ME2: variants seen among roughly 807,000 people sequenced by gnomAD.
ME2 encodes NAD-dependent malic enzyme, mitochondrial.
A neutral mutation model predicts 73.7 loss-of-function variants in ME2; 60 were observed. That is an observed-to-expected ratio of 0.81 (90% CI 0.66 to 1.01). ME2 has a LOEUF of 1.01. ME2 is among the 50% of genes least tolerant of loss of function. The probability of loss-of-function intolerance (pLI) is 0.00; values close to 1 mark genes in which losing one functional copy is unlikely to be tolerated. For synonymous variants in ME2, 199 were observed against 236.9 expected (o/e 0.84, Z 1.47); for missense variants, 594 against 705.5 (o/e 0.84, Z 1.79).
intron 15 of ME2, among the ~76,000 whole-genome samples, chr18:50,944,112 G>T (rs778039751): frequency 6.6e-6 from 1 of 152,164 alleles, no homozygotes; most frequent in Admixed American, 6.5e-5. Flanking sequence ...TACTCAGGAG[G>T]CTGGGGTGGG....
chr18:50,913,018 C>T, intron 4 of ME2, 68 bp downstream of exon 4: 1 of 1,312,162 alleles, frequency 7.6e-7, no homozygotes, highest in Non-Finnish European at 1.0e-6. Context: ...CCATAACACC[C>T]ATTACATTTC....
chr18:50,919,040 C>T (rs367735749), intron 7 of ME2, among the ~76,000 whole-genome samples: 6 of 135,130 alleles, frequency 4.4e-5, no homozygotes, highest in East Asian at 2.2e-4. Flanking sequence ...TTATCTTTGA[C>T]TCTTCTGCCT....
At chr18:50,911,666 A>C (rs1917160185) in intron 3 of ME2, among the ~76,000 whole-genome samples, 1 of 152,150 alleles carries the variant, frequency 6.6e-6, no homozygotes, top group Non-Finnish European at 1.5e-5. Flanking sequence ...ACCTGGAGAG[A>C]GTGCAGGCAA....
intron 1 of ME2, among the ~76,000 whole-genome samples, chr18:50,888,885 A>G (rs628918): frequency 2.0e-5 from 3 of 151,786 alleles, no homozygotes; most frequent in African/African-American, 7.3e-5. Context: ...AATTTTTTTT[A>G]AACTGATGCA....
intron 15 of ME2, chr18:50,942,750 T>C (rs1278588959): frequency 3.4e-6 from 1 of 297,022 alleles, no homozygotes; most frequent in Non-Finnish European, 6.2e-6. Context: ...GGAATAATAC[T>C]AATTTGAAAA....
intron 2 of ME2, among the ~76,000 whole-genome samples, chr18:50,896,897 G>A (rs1206023882): frequency 6.6e-6 from 1 of 152,198 alleles, no homozygotes; most frequent in East Asian, 1.9e-4. Flanking sequence ...TCAGCAAGCA[G>A]TTAGTGTGTT....
chr18:50,923,039 A>G (rs1447380797), intron 10 of ME2, among the ~76,000 whole-genome samples: 3 of 152,174 alleles, frequency 2.0e-5, no homozygotes, highest in East Asian at 1.9e-4. Flanking sequence ...TCATTGTTCT[A>G]GTCTGTCAGT....
intron 14 of ME2, 30 bp downstream of exon 14, chr18:50,939,670 AAAGG>A: frequency 2.0e-6 from 3 of 1,464,590 alleles, no homozygotes; most frequent in Non-Finnish European, 2.9e-6. Flanking sequence ...TTTATTTTAT[AAAGG>A]ATGAATTATA....
chr18:50,947,989 A>AT lies in ME2; in HGVS notation c.*806dup, dbSNP rs1918128405. On this transcript the variant is annotated 3_prime_UTR_variant, in exon 16 of 16. Coordinates refer to ENST00000321341, the MANE Select transcript of ME2 (RefSeq NM_002396.5). Reference sequence around the variant, plus strand: ...CTTCTAGATGATTCTAGGAGGGAGTATAAGATACCTAATCATATGGGAACA... The same window carrying AT: ...CTTCTAGATGATTCTAGGAGGGAGTATTAAGATACCTAATCATATGGGAACA... The AT allele has an allele frequency of 6.6e-6, 1 of 152,240 alleles. No homozygotes were observed. The highest frequency in any genetic ancestry group is 1.5e-5 in the Non-Finnish European group (1 of 68,042). 9.4% of individuals were successfully genotyped at this position (152,240 alleles called of 1,614,324 possible).
rs1916248258 is a variant in ME2 at position 50,879,198 on chromosome 18, G to A, written c.-123G>A. 1 of 152,402 alleles carries A rather than the reference G, an allele frequency of 6.6e-6. No homozygotes were observed. The highest frequency in any genetic ancestry group is 1.5e-5 in the Non-Finnish European group (1 of 68,224). The allele number at this position is 152,402 out of a possible 1,614,324, so 9.4% of individuals were successfully genotyped here. A position where few individuals can be genotyped will look rare whatever the true frequency, so the allele number is the denominator to read the frequency against. On this transcript the variant is annotated 5_prime_UTR_variant, in exon 1 of 16. Coordinates refer to ENST00000321341, the MANE Select transcript of ME2 (RefSeq NM_002396.5). ...GCCTGAGCTGACGGCGGCTCCGGGA[G>A]GCTCGCAGAAGGGGAGGGCCGGGCG... is the stretch of plus-strand genomic sequence containing the variant.
Position 50,947,344 on chromosome 18 carries a change from G to C in ME2, c.*160G>C. ...ATGCGTCTCCACATCTGTTGGGGTA[G>C]ACGTGTTGATTGATTGCATTGCCCA... is the stretch of plus-strand genomic sequence containing the variant. On this transcript the variant is annotated 3_prime_UTR_variant, in exon 16 of 16. Transcript: ENST00000321341. The C allele has an allele frequency of 4.6e-6, 3 of 654,842 alleles. No individual in the cohort carries two copies. Among genetic ancestry groups the C allele is most frequent in the Non-Finnish European group, 5.2e-6 (2 of 387,024 alleles). The allele number at this position is 654,842 out of a possible 1,614,324, so 40.6% of individuals were successfully genotyped here.
intron 13 of ME2, chr18:50,933,041 G>A (rs1308465273): frequency 6.6e-6 from 1 of 152,178 alleles, no homozygotes; most frequent in African/African-American, 2.4e-5. Context: ...CATTACCTCA[G>A]TTCAACAACT....
intron 4 of ME2, 32 bp from the exon 5 acceptor site, chr18:50,916,136 T>C (rs1183397550): frequency 6.9e-7 from 1 of 1,455,336 alleles, no homozygotes; most frequent in Non-Finnish European, 9.5e-7. Flanking sequence ...AAAGCTGTTG[T>C]GAAATGCAAA....
rs1323094349 is a variant in ME2, at chr18:50,924,007, A to G, written c.1057-91A>G. 6.7e-6 allele frequency: 5 copies of G among 750,310 alleles called. No individual in the cohort carries two copies. The East Asian group carries it at 1.1e-4, about 16-fold the overall frequency. 46.5% of individuals were successfully genotyped at this position (750,310 alleles called of 1,614,324 possible). A position where few individuals can be genotyped will look rare whatever the true frequency, so the allele number is the denominator to read the frequency against. ...GAAAATGAAAAGACATTTCTATTGT[A>G]GAAACAATGTGTAACTCATAATGAT... is the stretch of plus-strand genomic sequence containing the variant. On this transcript the variant is annotated intron_variant, in intron 10 of 15. Transcript: ENST00000321341.
chr18:50,881,280 AC>A (rs1215478320), intron 1 of ME2, among the ~76,000 whole-genome samples: 1 of 151,728 alleles, frequency 6.6e-6, no homozygotes, highest in East Asian at 1.9e-4. Context: ...CAAGTGCTCC[AC>A]CTCCTTCGGC....
intron 10 of ME2, among the ~76,000 whole-genome samples, chr18:50,922,853 G>A (rs934378316): frequency 6.6e-6 from 1 of 152,160 alleles, no homozygotes; most frequent in African/African-American, 2.4e-5. Context: ...TCAGCCGATT[G>A]ATGATAGTGT....
intron 2 of ME2, among the ~76,000 whole-genome samples, chr18:50,900,502 G>A (rs911541240): frequency 5.9e-5 from 9 of 151,706 alleles, no homozygotes; most frequent in Admixed American, 3.3e-4. Flanking sequence ...CACTGTGGTC[G>A]CGATCTGCTG....
chr18:50,946,794 A>G (rs947891601), intron 15 of ME2, among the ~76,000 whole-genome samples: 5 of 152,126 alleles, frequency 3.3e-5, no homozygotes, highest in Non-Finnish European at 5.9e-5. Context: ...ATCTAAATGT[A>G]TTTACTAGAA....
intron 1 of ME2, among the ~76,000 whole-genome samples, chr18:50,892,498 G>A (rs1228699283): frequency 6.6e-6 from 1 of 152,166 alleles, no homozygotes; most frequent in Non-Finnish European, 1.5e-5. Flanking sequence ...CCAGAAATGG[G>A]TATTTCTATC....
Sources: allele counts gnomAD v4.1 joint callset (sites outside exome capture counted in the v4.1 genomes callset), GRCh38; gene constraint gnomAD v4.1.1; transcripts MANE v1.5; gene names NCBI Gene and HGNC (gene_info 2026-07-23, HGNC 2026-07-21).